APBA2: variants seen among roughly 807,000 people sequenced by gnomAD.
APBA2 encodes amyloid beta precursor protein binding family A member 2.
In APBA2, 30 loss-of-function variants were observed where a neutral mutation model predicts 75.0. The ratio of observed to expected loss-of-function variants is 0.40; its 90% CI spans 0.30 to 0.54. APBA2 has a LOEUF of 0.54. Among genes scored for constraint, APBA2 ranks in the 20% least tolerant of loss-of-function variants. The pLI is 0.49. For synonymous variants in APBA2, 444 were observed against 409.6 expected (o/e 1.08, Z -1.01); for missense variants, 801 against 1,016.1 (o/e 0.79, Z 2.88).
At chr15:29,075,072 T>A in intron 5 of APBA2, 71 bp downstream of exon 5, 1 of 1,127,928 alleles carries the variant, frequency 8.9e-7, no homozygotes, top group Non-Finnish European at 1.3e-6. Flanking sequence ...CACCGAGTTG[T>A]GGTCTGCTCA....
chr15:28,980,200 C>T (rs2152765371), intron 2 of APBA2, among the ~76,000 whole-genome samples: 1 of 152,204 alleles, frequency 6.6e-6, no homozygotes, highest in Non-Finnish European at 1.5e-5. Context: ...AGAGTTTGGT[C>T]ATGTAAGATT....
intron 2 of APBA2, among the ~76,000 whole-genome samples, chr15:28,986,091 C>T (rs1407622890): frequency 1.3e-5 from 2 of 152,174 alleles, no homozygotes; most frequent in Admixed American, 6.5e-5. Context: ...ATCCTTCTGC[C>T]TCCTCTTCCC....
At chr15:29,062,192 T>A (rs2042157056) in intron 4 of APBA2, among the ~76,000 whole-genome samples, 1 of 152,104 alleles carries the variant, frequency 6.6e-6, no homozygotes, top group East Asian at 1.9e-4. Flanking sequence ...CAGCCATGCC[T>A]CAGATTCTAG....
chr15:28,929,257 G>A (rs77760686), intron 2 of APBA2, among the ~76,000 whole-genome samples: 11,800 of 152,156 alleles, frequency 0.078, 906 homozygotes, highest in African/African-American at 0.19. Flanking sequence ...GTTCCCTTGC[G>A]TCCTTGCACC....
chr15:28,979,019 T>A (rs1239010498), intron 2 of APBA2, among the ~76,000 whole-genome samples: 3 of 152,172 alleles, frequency 2.0e-5, no homozygotes, highest in Non-Finnish European at 4.4e-5. Context: ...CTACAACGGG[T>A]CCCCAGGGTT....
chr15:29,048,923 C>A (rs1228745532), intron 3 of APBA2, among the ~76,000 whole-genome samples: 1 of 146,120 alleles, frequency 6.8e-6, no homozygotes, highest in Non-Finnish European at 1.5e-5. Flanking sequence ...GGCCTGGCAA[C>A]AGAGCAAGAC....
chr15:28,960,148 C>CA (rs59345963), intron 2 of APBA2, among the ~76,000 whole-genome samples: 25,572 of 93,056 alleles, frequency 0.27, 3,117 homozygotes, highest in Non-Finnish European at 0.36. Flanking sequence ...GACCTTGTTT[C>CA]AAAAAAAAAA....
chr15:28,947,276 C>T (rs894666835), intron 2 of APBA2, among the ~76,000 whole-genome samples: 1 of 152,168 alleles, frequency 6.6e-6, no homozygotes, highest in Non-Finnish European at 1.5e-5. Context: ...TGCAGTGGGC[C>T]TGTTGGAGCT....
At chr15:28,988,181 A>C (rs1433389912) in intron 2 of APBA2, among the ~76,000 whole-genome samples, 1 of 152,006 alleles carries the variant, frequency 6.6e-6, no homozygotes, top group African/African-American at 2.4e-5. Flanking sequence ...TAGTACATGT[A>C]TAAGTATTTC....
chr15:29,074,194 C>T (rs997144902), intron 4 of APBA2, among the ~76,000 whole-genome samples: 3 of 152,106 alleles, frequency 2.0e-5, no homozygotes, highest in South Asian at 2.1e-4. Context: ...TGCACACCCA[C>T]GTTCATAGCA....
chr15:29,099,074 C>T (rs562968897), intron 9 of APBA2, among the ~76,000 whole-genome samples: 1 of 152,304 alleles, frequency 6.6e-6, no homozygotes, highest in African/African-American at 2.4e-5. Flanking sequence ...AACCAGCCCC[C>T]TCCTGGAGCC....
At chr15:28,891,673 C>G (rs142266652) in intron 1 of APBA2, among the ~76,000 whole-genome samples, 1 of 152,102 alleles carries the variant, frequency 6.6e-6, no homozygotes, top group African/African-American at 2.4e-5. Context: ...GAATCAACTG[C>G]GCAGAGAGAT....
chr15:28,964,075 G>A (rs2036612301), intron 2 of APBA2, among the ~76,000 whole-genome samples: 1 of 152,206 alleles, frequency 6.6e-6, no homozygotes, highest in Non-Finnish European at 1.5e-5. Flanking sequence ...AGGACATTTG[G>A]AGTTTCCAGT....
At chr15:29,033,964 C>CAA (rs34808408) in intron 3 of APBA2, among the ~76,000 whole-genome samples, 850 of 39,192 alleles carry the variant, frequency 0.022, 43 homozygotes, top group African/African-American at 0.051. Flanking sequence ...GACTCCATCT[C>CAA]AAAAAAAAAA....
In APBA2 at chr15:29,088,826, G is replaced by A. The variant is rs190558387; in HGVS notation, c.1070-4249G>A. Among the ~76,000 whole-genome samples, 6 of 152,190 alleles carry A rather than the reference G, an allele frequency of 3.9e-5. No individual in the cohort carries two copies. The East Asian group carries it at 1.2e-3, about 29-fold the overall frequency. ...TGGCCAGCGCTTCCTCCCCACCCTC[G>A]ACTTGTCTCAGCTGCTGGCCCATGC... On this transcript the variant is annotated intron_variant, in intron 6 of 14. Transcript: ENST00000683413.
intron 2 of APBA2, among the ~76,000 whole-genome samples, chr15:28,941,026 C>T (rs933511692): frequency 6.6e-6 from 1 of 152,088 alleles, no homozygotes; most frequent in Non-Finnish European, 1.5e-5. Flanking sequence ...ATGTTTAAGT[C>T]CATGAGTTTT....
intron 10 of APBA2, chr15:29,102,069 T>C (rs899480797): frequency 3.6e-6 from 2 of 551,896 alleles, no homozygotes; most frequent in African/African-American, 3.8e-5. Context: ...AAACATTTTC[T>C]CTACTAAAAA....
intron 1 of APBA2, among the ~76,000 whole-genome samples, chr15:28,897,993 G>C (rs1267279287): frequency 2.6e-5 from 4 of 152,158 alleles, no homozygotes; most frequent in African/African-American, 9.7e-5. Flanking sequence ...TCGTATAAGA[G>C]AGAGGCAGAG....
chr15:28,941,384 G>C (rs1355500553), intron 2 of APBA2, among the ~76,000 whole-genome samples: 1 of 151,956 alleles, frequency 6.6e-6, no homozygotes, highest in Admixed American at 6.6e-5. Context: ...CCACTGATTT[G>C]CAGGAACGGA....
Sources: allele counts gnomAD v4.1 joint callset (sites outside exome capture counted in the v4.1 genomes callset), GRCh38; gene constraint gnomAD v4.1.1; transcripts MANE v1.5; gene names NCBI Gene and HGNC (gene_info 2026-07-23, HGNC 2026-07-21).